Variants in SLC24A2 observed in about 807,000 individuals in gnomAD.
The protein encoded by SLC24A2 is sodium/potassium/calcium exchanger 2.
Under a neutral mutation model 62.0 loss-of-function variants are expected in SLC24A2, and 36 were observed. That is an observed-to-expected ratio of 0.58 (90% CI 0.44 to 0.77). The LOEUF is 0.77. Ranked by LOEUF, SLC24A2 falls within the 30% of genes least tolerant of loss-of-function variation. The pLI is 0.00. For synonymous variants in SLC24A2, 358 were observed against 294.0 expected, an observed-to-expected ratio of 1.22 and a Z score of -2.23; for missense variants, 846 against 817.9, an observed-to-expected ratio of 1.03 and a Z score of -0.42.
At chr9:19,953,050 A>C in the SLC24A2 span, among the ~76,000 whole-genome samples, 5 of 152,020 alleles carry the variant, frequency 3.3e-5, no homozygotes, top group African/African-American at 1.2e-4. Flanking sequence ...TTTATTATTC[A>C]TAACATTGCC....
At chr9:19,601,372 A>AC (rs1418299867) in intron 4 of SLC24A2, among the ~76,000 whole-genome samples, 1 of 152,126 alleles carries the variant, frequency 6.6e-6, no homozygotes, top group Non-Finnish European at 1.5e-5. Flanking sequence ...AAAGCTGACC[A>AC]CCCCAGCCAG....
At chr9:20,061,088 G>A in the SLC24A2 span, among the ~76,000 whole-genome samples, 3 of 151,910 alleles carry the variant, frequency 2.0e-5, no homozygotes, top group African/African-American at 7.3e-5. Context: ...TAAAATTCAA[G>A]GATTATAAAA....
chr9:20,254,036 G>C, the SLC24A2 span, among the ~76,000 whole-genome samples: 2 of 152,198 alleles, frequency 1.3e-5, no homozygotes, highest in Non-Finnish European at 2.9e-5. Context: ...GACAGGCAGG[G>C]AGTGGGGTGC....
the SLC24A2 span, among the ~76,000 whole-genome samples, chr9:19,961,655 G>T: frequency 1.3e-5 from 2 of 152,188 alleles, no homozygotes; most frequent in Non-Finnish European, 2.9e-5. Context: ...GTCAAGTGTG[G>T]ATTGGACTAA....
At chr9:20,259,127 G>T in the SLC24A2 span, among the ~76,000 whole-genome samples, 1 of 152,078 alleles carries the variant, frequency 6.6e-6, no homozygotes, top group African/African-American at 2.4e-5. Context: ...CAAGGAATGT[G>T]AATTGTTTCC....
At chr9:19,789,044 C>CTG, upstream of SLC24A2, 1 of 723,152 alleles carries the variant, frequency 1.4e-6, no homozygotes, top group Non-Finnish European at 1.7e-6. Flanking sequence ...GACTGAGCCG[C>CTG]TGTGAGCCCG....
At chr9:20,123,319 G>A in the SLC24A2 span, among the ~76,000 whole-genome samples, 1 of 152,136 alleles carries the variant, frequency 6.6e-6, no homozygotes, top group Non-Finnish European at 1.5e-5. Flanking sequence ...CACCTTGAAG[G>A]TTAGGATTTC....
chr9:19,543,340 C>G (rs1305902810), intron 8 of SLC24A2, among the ~76,000 whole-genome samples: 2 of 151,314 alleles, frequency 1.3e-5, no homozygotes, highest in African/African-American at 2.4e-5. Flanking sequence ...GTCTGGCTAG[C>G]AGTCTATCCA....
chr9:19,561,094 T>A (rs1010207953), intron 7 of SLC24A2, among the ~76,000 whole-genome samples: 1 of 149,108 alleles, frequency 6.7e-6, no homozygotes, highest in Non-Finnish European at 1.5e-5. Flanking sequence ...CCTGGCTAAT[T>A]TTTTTTTGTA....
the SLC24A2 span, among the ~76,000 whole-genome samples, chr9:20,230,071 T>C: frequency 6.6e-6 from 1 of 152,174 alleles, no homozygotes; most frequent in African/African-American, 2.4e-5. Flanking sequence ...ACTCATCATT[T>C]TTTATGGCTG....
At chr9:19,982,279 G>C in the SLC24A2 span, among the ~76,000 whole-genome samples, 1,307 of 152,288 alleles carry the variant, frequency 8.6e-3, 16 homozygotes, top group African/African-American at 0.029. Context: ...GGAAGTGTGA[G>C]TGTGTGCAAG....
At chr9:20,210,167 A>T in the SLC24A2 span, among the ~76,000 whole-genome samples, 1 of 152,062 alleles carries the variant, frequency 6.6e-6, no homozygotes, top group Non-Finnish European at 1.5e-5. Context: ...GGGATAAAAG[A>T]CCTGCTGTGG....
At chr9:19,688,916 T>C (rs1819963596) in intron 2 of SLC24A2, among the ~76,000 whole-genome samples, 1 of 152,142 alleles carries the variant, frequency 6.6e-6, no homozygotes, top group South Asian at 2.1e-4. Context: ...GTACACAATA[T>C]ATATTACCTC....
the SLC24A2 span, among the ~76,000 whole-genome samples, chr9:19,860,531 G>T: frequency 6.6e-6 from 1 of 152,044 alleles, no homozygotes; most frequent in Non-Finnish European, 1.5e-5. Context: ...GGTGGCTATG[G>T]GTCAAGATTC....
chr9:20,215,090 C>G, the SLC24A2 span, among the ~76,000 whole-genome samples: 14 of 152,124 alleles, frequency 9.2e-5, no homozygotes, highest in Admixed American at 6.5e-5. Flanking sequence ...CTGGGAAGTC[C>G]AAGATCAAGG....
At chr9:19,897,266 T>C in the SLC24A2 span, among the ~76,000 whole-genome samples, 47,389 of 152,108 alleles carry the variant, frequency 0.31, 8,188 homozygotes, top group Non-Finnish European at 0.39. Context: ...AGTGACCCCA[T>C]ATTGTTATCA....
the SLC24A2 span, among the ~76,000 whole-genome samples, chr9:20,265,710 AG>A: frequency 7.4e-3 from 1,129 of 152,348 alleles, 8 homozygotes; most frequent in South Asian, 0.027. Flanking sequence ...AGCAATGTTC[AG>A]GGAACAAGAG....
At position 19,643,886 on chromosome 9, in the gene SLC24A2, A is replaced by G. The variant is rs996152435; in HGVS notation, c.931-21587T>C. Among the ~76,000 whole-genome samples, 48 of 152,360 alleles carry G rather than the reference A, an allele frequency of 3.2e-4. 2 individuals carry two copies. The highest frequency in any genetic ancestry group is 3.1e-3 in the Admixed American group (48 of 15,310). On this transcript the variant is annotated intron_variant, in intron 2 of 10. Coordinates refer to ENST00000341998, the MANE Select transcript of SLC24A2 (RefSeq NM_020344.4). ...ATCCACAGATTCAATAGAATTTTAC[A>G]TCTTTGCTTCCTTCCTACTTGAGGA...
chr9:19,760,502 T>A (rs1356509418), intron 2 of SLC24A2, among the ~76,000 whole-genome samples: 1 of 152,074 alleles, frequency 6.6e-6, no homozygotes, highest in African/African-American at 2.4e-5. Context: ...TTTCTCCTAA[T>A]GCTATCCCTC....
Sources: gnomAD v4.1 joint callset for allele counts (sites outside exome capture counted in the v4.1 genomes callset) on GRCh38, gnomAD v4.1.1 for gene constraint, MANE v1.5 for transcripts, NCBI Gene and HGNC (gene_info 2026-07-23, HGNC 2026-07-21) for gene names.